The following C8orf58 variants were observed in gnomAD, a reference collection of about 807,000 sequenced individuals.
The protein encoded by C8orf58 is chromosome 8 open reading frame 58, also known as uncharacterized protein C8orf58.
In C8orf58, 31 loss-of-function variants were observed where a neutral mutation model predicts 36.8. The observed-to-expected ratio is 0.84, with a 90% CI of 0.63 to 1.14. The LOEUF (loss-of-function observed/expected upper bound fraction) is 1.14, where lower values mean the gene tolerates loss of function less well. Ranked by LOEUF, C8orf58 falls within the 50% of genes most tolerant of loss-of-function variation. The probability of loss-of-function intolerance (pLI) is 0.00; values close to 1 mark genes in which losing one functional copy is unlikely to be tolerated. For synonymous variants in C8orf58, 230 were observed against 200.2 expected (o/e 1.15, Z -1.26); for missense variants, 538 against 480.8 (o/e 1.12, Z -1.11).
chr8:22,602,334 G>C (rs1211034581), intron 5 of C8orf58, 22 bp downstream of exon 5: 1 of 1,437,690 alleles, frequency 7.0e-7, no homozygotes, highest in African/African-American at 1.4e-5. Flanking sequence ...GTATATGTGG[G>C]GCAGGTGGTG....
Position 22,602,616 on chromosome 8 carries a change from C to T in C8orf58, c.959C>T (p.Pro320Leu), listed in dbSNP as rs1378861318. ...AGAAGCCACCACCACCCTGAGCCCC[C>T]TGCCCCTCCTGATGGCTCTGACCCC... ...CRRSHHHPEP[P>L]APPDGSDPRI... The change falls in exon 6 of 7, where the codon CCT becomes CTT. Residue 320 changes from proline (P) to leucine (L), a missense_variant. Transcript: ENST00000289989. The T allele has an allele frequency of 1.3e-6, 2 of 1,558,790 alleles. No individual in the cohort carries two copies. The highest frequency in any genetic ancestry group is 1.7e-6 in the Non-Finnish European group (2 of 1,148,364).
At position 22,604,040 on chromosome 8, in the gene C8orf58, A is replaced by C. The variant is rs1370179981; in HGVS notation, c.*734A>C. The C allele has an allele frequency of 6.4e-6, 1 of 155,512 alleles. No homozygotes were observed. Among genetic ancestry groups the C allele is most frequent in the Admixed American group, 6.3e-5 (1 of 15,934 alleles). 9.6% of individuals were successfully genotyped at this position (155,512 alleles called of 1,614,324 possible). ...GTACTAGTTTTTAGACCCCAAGTCAACCTTTCTGAGCCACAGCTTCCCGCT... is the reference window on the plus strand; with the variant it reads ...GTACTAGTTTTTAGACCCCAAGTCACCCTTTCTGAGCCACAGCTTCCCGCT... On this transcript the variant is annotated 3_prime_UTR_variant, in exon 7 of 7. Transcript: ENST00000289989.
rs766376146 is a variant in C8orf58, at chr8:22,601,794, A to G, written c.599A>G (p.Glu200Gly). ...CTGGAACACCTGTGCCTGGTGCTGG[A>G]GCAGATGGCAAGGCTCCAGCAGCTC... is the stretch of plus-strand genomic sequence containing the variant. The part of the protein sequence containing the change: ...RYLEHLCLVL[E>G]QMARLQQLYL... Residue 200 changes from glutamate (E) to glycine (G), a missense_variant, in exon 3 of 7, where the codon GAG becomes GGG. Coordinates refer to ENST00000289989, the MANE Select transcript of C8orf58 (RefSeq NM_001013842.3). 6.2e-7 allele frequency: 1 copy of G among 1,612,342 alleles called. No homozygotes were observed. The highest frequency in any genetic ancestry group is 8.5e-7 in the Non-Finnish European group (1 of 1,179,756).
Position 22,602,281 on chromosome 8 carries a change from C to T in C8orf58, c.848C>T (p.Thr283Met), listed in dbSNP as rs747262910. The change falls in exon 5 of 7, where the codon ACG becomes ATG. Residue 283 changes from threonine to methionine, a missense_variant. Thr to Met is a moderately conservative substitution (Grantham distance 81). Coordinates refer to ENST00000289989, the MANE Select transcript of C8orf58 (RefSeq NM_001013842.3). ...PRLPETPVEPTYHLPSSQGHK... is the reference protein window; with the variant it reads ...PRLPETPVEPMYHLPSSQGHK... ...CTGCCAGAAACCCCAGTGGAGCCAACGTACCACTTGCCATCCTCCCAGGGA... is the reference window on the plus strand; with the variant it reads ...CTGCCAGAAACCCCAGTGGAGCCAATGTACCACTTGCCATCCTCCCAGGGA... 1.3e-5 allele frequency: 21 copies of T among 1,603,924 alleles called. No individual in the cohort carries two copies. Among genetic ancestry groups the T allele is most frequent in the Admixed American group, 3.4e-5 (2 of 58,828 alleles).
chr8:22,602,838 T>A, intron 6 of C8orf58, 195 bp downstream of exon 6: 1 of 579,232 alleles, frequency 1.7e-6, no homozygotes, highest in Non-Finnish European at 3.1e-6. Flanking sequence ...GGGTTGGGGG[T>A]AGTTGCTTTT....
intron 6 of C8orf58, 172 bp downstream of exon 6, chr8:22,602,815 A>G: frequency 1.7e-6 from 1 of 591,114 alleles, no homozygotes; most frequent in South Asian, 2.2e-5. Flanking sequence ...ATAAGGAGGC[A>G]GGGTTCTGGG....
In C8orf58 at chr8:22,602,251, C is replaced by T; in HGVS notation, c.818C>T (p.Pro273Leu). Reference protein sequence around the residue: ...PKVEVPSANPPRLPETPVEPT... With the variant: ...PKVEVPSANPLRLPETPVEPT... ...GTGGAGGTGCCCAGTGCCAACCCTC[C>T]CAGGCTGCCAGAAACCCCAGTGGAG... The change falls in exon 5 of 7, where the codon CCC becomes CTC. Residue 273 changes from proline (P) to leucine (L), a missense_variant. Coordinates refer to ENST00000289989, the MANE Select transcript of C8orf58 (RefSeq NM_001013842.3). 2 of 1,608,550 alleles carry T rather than the reference C, an allele frequency of 1.2e-6. No homozygotes were observed. Among genetic ancestry groups the T allele is most frequent in the Non-Finnish European group, 1.7e-6 (2 of 1,178,398 alleles).
At position 22,601,753 on chromosome 8, in the gene C8orf58, G is replaced by T. The variant is rs1371094791; in HGVS notation, c.558G>T (p.Gly186=). The T allele has an allele frequency of 6.2e-7, 1 of 1,612,260 alleles. No individual in the cohort carries two copies. Among genetic ancestry groups the T allele is most frequent in the Non-Finnish European group, 8.5e-7 (1 of 1,179,710 alleles). The change falls in exon 3 of 7, where the codon GGG becomes GGT. Residue 186 remains glycine, a synonymous_variant. Coordinates refer to ENST00000289989, the MANE Select transcript of C8orf58 (RefSeq NM_001013842.3). ...CTGGAGCCTGGGCCTGCCTCCCCGG[G>T]CAGGGTCTTCGCTATCTGGAACACC... is the stretch of plus-strand genomic sequence containing the variant. ...LGPGAWACLP[G]QGLRYLEHLC...
Position 22,602,621 on chromosome 8 carries a change from C to T in C8orf58, c.964C>T (p.Pro322Ser), listed in dbSNP as rs1800902002. The T allele has an allele frequency of 1.9e-6, 3 of 1,556,550 alleles. No homozygotes were observed. The highest frequency in any genetic ancestry group is 2.6e-6 in the Non-Finnish European group (3 of 1,147,318). Residue 322 changes from proline (P) to serine (S), a missense_variant, in exon 6 of 7, where the codon CCT (proline) becomes TCT (serine). Pro to Ser is a moderately conservative substitution (Grantham distance 74, BLOSUM62 -1). Coordinates refer to ENST00000289989, the MANE Select transcript of C8orf58 (RefSeq NM_001013842.3). ...CCACCACCACCCTGAGCCCCCTGCCCCTCCTGATGGCTCTGACCCCAGGTG... is the reference window on the plus strand; with the variant it reads ...CCACCACCACCCTGAGCCCCCTGCCTCTCCTGATGGCTCTGACCCCAGGTG... ...RSHHHPEPPA[P>S]PDGSDPRIES...
chr8:22,602,442 G>T, intron 5 of C8orf58, 95 bp from the exon 6 acceptor site: 2 of 1,342,400 alleles, frequency 1.5e-6, no homozygotes, highest in South Asian at 1.2e-5. Context: ...TGGAGCAGGC[G>T]ACTTGTCCTG....
At chr8:22,600,842 G>T in intron 1 of C8orf58, 40 bp from the exon 2 acceptor site, 2 of 1,505,294 alleles carry the variant, frequency 1.3e-6, no homozygotes, top group South Asian at 1.2e-5. Flanking sequence ...TGGGGGTGTT[G>T]GGGGTGGCCT....
At chr8:22,600,480 C>T in intron 1 of C8orf58, 1 of 211,186 alleles carries the variant, frequency 4.7e-6, no homozygotes. Flanking sequence ...CTCTCTGTAC[C>T]CTCTCCCCTC....
chr8:22,603,429 CT>C lies in C8orf58; in HGVS notation c.*125del. On this transcript the variant is annotated 3_prime_UTR_variant, in exon 7 of 7. Coordinates refer to ENST00000289989, the MANE Select transcript of C8orf58 (RefSeq NM_001013842.3). The stretch of plus-strand genomic sequence containing the variant: ...AAGCTGCTGACGCCTGCCCTCCTCT[CT>C]TGAGTCGAGGGCTGAATCTTTCTCC... 1 of 749,272 alleles carries C rather than the reference CT, an allele frequency of 1.3e-6. No individual in the cohort carries two copies. The highest frequency in any genetic ancestry group is 2.6e-5 in the East Asian group (1 of 37,982). The allele number at this position is 749,272 out of a possible 1,614,324, so 46.4% of individuals were successfully genotyped here.
At position 22,600,563 on chromosome 8, in the gene C8orf58, T is replaced by TC. The variant is rs1800817858; in HGVS notation, c.41-318dup. On this transcript the variant is annotated intron_variant, in intron 1 of 6. Transcript: ENST00000289989. The stretch of plus-strand genomic sequence containing the variant: ...GAGCCTGTGGCTCCCTACTTCTGAC[T>TC]CGGGAGATCGTGGGCTGATCCTAGG... 1.7e-5 allele frequency: 6 copies of TC among 350,000 alleles called. No homozygotes were observed. The South Asian group carries it at 2.1e-4, about 12-fold the overall frequency. 21.7% of individuals were successfully genotyped at this position (350,000 alleles called of 1,614,324 possible). A position where few individuals can be genotyped will look rare whatever the true frequency, so the allele number is the denominator to read the frequency against.
At position 22,599,716 on chromosome 8, in the gene C8orf58, G is replaced by C. The variant is rs1800795373; in HGVS notation, c.-5G>C. The stretch of plus-strand genomic sequence containing the variant: ...ATTGGCCGGGGCCGGGGCCGGGAGC[G>C]GGCCATGATGGGCCGGCGGCGCGCC... On this transcript the variant is annotated 5_prime_UTR_variant, in exon 1 of 7. Coordinates refer to ENST00000289989, the MANE Select transcript of C8orf58 (RefSeq NM_001013842.3). The C allele has an allele frequency of 8.2e-7, 1 of 1,215,218 alleles. No homozygotes were observed. The highest frequency in any genetic ancestry group is 1.0e-6 in the Non-Finnish European group (1 of 977,052). 75.3% of individuals were successfully genotyped at this position (1,215,218 alleles called of 1,614,324 possible).
In C8orf58 at chr8:22,601,377, C is replaced by T. The variant is rs1349908058; in HGVS notation, c.516+20C>T. On this transcript the variant is annotated intron_variant, in intron 2 of 6. Transcript: ENST00000289989. The stretch of plus-strand genomic sequence containing the variant: ...GAGGCGGTGAGTGCTCACTCTCAGG[C>T]TGGGTTTAAGAGTGGGATGGACAGC... The T allele has an allele frequency of 3.9e-6, 6 of 1,522,568 alleles. No individual in the cohort carries two copies. The highest frequency in any genetic ancestry group is 5.3e-6 in the Non-Finnish European group (6 of 1,126,732). 94.3% of individuals were successfully genotyped at this position (1,522,568 alleles called of 1,614,324 possible).
At chr8:22,599,968 T>C (rs1357157723) in intron 1 of C8orf58, 2 of 360,112 alleles carry the variant, frequency 5.6e-6, no homozygotes, top group Non-Finnish European at 9.9e-6. Flanking sequence ...GGCCCAGGCG[T>C]TAAACCAGCC....
Position 22,599,737 on chromosome 8 carries a change from G to T in C8orf58, c.17G>T (p.Arg6Leu). Residue 6 changes from arginine to leucine, a missense_variant, in exon 1 of 7, where the codon CGC becomes CTC. Coordinates refer to ENST00000289989, the MANE Select transcript of C8orf58 (RefSeq NM_001013842.3). ...GAGCGGGCCATGATGGGCCGGCGGC[G>T]CGCCTTCGCCGTGGACGGCCGGGGT... is the stretch of plus-strand genomic sequence containing the variant. Reference protein sequence around the residue: MMGRRRAFAVDGRDGA... With the variant: MMGRRLAFAVDGRDGA... 1.6e-6 allele frequency: 2 copies of T among 1,219,148 alleles called. No individual in the cohort carries two copies. The highest frequency in any genetic ancestry group is 2.0e-6 in the Non-Finnish European group (2 of 979,930). The allele number at this position is 1,219,148 out of a possible 1,614,324, so 75.5% of individuals were successfully genotyped here. A position where few individuals can be genotyped will look rare whatever the true frequency, so the allele number is the denominator to read the frequency against.
chr8:22,600,578 C>T (rs777448277), intron 1 of C8orf58: 17 of 395,334 alleles, frequency 4.3e-5, no homozygotes, highest in Non-Finnish European at 5.6e-5. Flanking sequence ...AGATCGTGGG[C>T]TGATCCTAGG....
Sources: allele counts gnomAD v4.1 joint callset, GRCh38; gene constraint gnomAD v4.1.1; transcripts MANE v1.5; gene names NCBI Gene and HGNC (gene_info 2026-07-23, HGNC 2026-07-21).